The following SYNPR variants were observed in gnomAD, a reference collection of about 807,000 sequenced individuals.
The protein encoded by SYNPR is synaptoporin.
Under a neutral mutation model 32.9 loss-of-function variants are expected in SYNPR, and 23 were observed. That is an observed-to-expected ratio of 0.70 (90% confidence interval 0.50 to 0.99). SYNPR has a LOEUF of 0.99. Ranked by LOEUF, SYNPR falls within the 50% of genes least tolerant of loss-of-function variation. The probability of loss-of-function intolerance (pLI) is 0.00; values close to 1 mark genes in which losing one functional copy is unlikely to be tolerated. For synonymous variants in SYNPR, 146 were observed against 135.9 expected (o/e 1.07, Z -0.52); for missense variants, 318 against 349.3 (o/e 0.91, Z 0.71).
chr3:63,456,069 A>C (rs1700476216), intron 2 of SYNPR, among the ~76,000 whole-genome samples: 1 of 151,890 alleles, frequency 6.6e-6, no homozygotes, highest in South Asian at 2.1e-4. Context: ...AGAGAGAGAG[A>C]GCTCGTGCAG....
chr3:63,419,921 G>A (rs2088585974), intron 2 of SYNPR, among the ~76,000 whole-genome samples: 1 of 152,168 alleles, frequency 6.6e-6, no homozygotes, highest in Non-Finnish European at 1.5e-5. Context: ...GAAGATTCCA[G>A]TTTTTTCACA....
chr3:63,454,734 G>C (rs1318880258), intron 2 of SYNPR, among the ~76,000 whole-genome samples: 1 of 149,524 alleles, frequency 6.7e-6, no homozygotes, highest in East Asian at 2.6e-4. Flanking sequence ...TGAGGGCTCT[G>C]GGGTGGCAGA....
intron 2 of SYNPR, among the ~76,000 whole-genome samples, chr3:63,313,886 CATATATATATATCCATATATATATCCAT>C (rs2087005406): frequency 1.1e-4 from 1 of 8,832 alleles, no homozygotes; most frequent in East Asian, 1.6e-3. Flanking sequence ...TATATATATC[CATATATATATATCCATATATATATCCAT>C]ATATATATAT....
intron 2 of SYNPR, among the ~76,000 whole-genome samples, chr3:63,398,260 T>C (rs549231953): frequency 2.6e-5 from 4 of 152,270 alleles, no homozygotes; most frequent in Admixed American, 2.6e-4. Context: ...TTGGCAGCAC[T>C]GCCTTAAAAA....
At chr3:63,472,537 T>C (rs1034721788) in intron 2 of SYNPR, among the ~76,000 whole-genome samples, 18 of 152,304 alleles carry the variant, frequency 1.2e-4, no homozygotes, top group Middle Eastern at 3.4e-3. Flanking sequence ...AAAATGCCCC[T>C]TTTCAAGCAC....
At chr3:63,608,309 A>T (rs1325276492) in intron 4 of SYNPR, among the ~76,000 whole-genome samples, 1 of 152,186 alleles carries the variant, frequency 6.6e-6, no homozygotes, top group Non-Finnish European at 1.5e-5. Flanking sequence ...CGAACAGCAG[A>T]TGATTTTCAG....
chr3:63,527,936 C>T (rs2106784012), intron 3 of SYNPR, among the ~76,000 whole-genome samples: 1 of 152,246 alleles, frequency 6.6e-6, no homozygotes, highest in African/African-American at 2.4e-5. Flanking sequence ...TGAGTTACAG[C>T]ATGGAACAGA....
At chr3:63,447,998 A>ATATTTATTTATTTATT (rs369985539) in intron 2 of SYNPR, among the ~76,000 whole-genome samples, 53 of 151,740 alleles carry the variant, frequency 3.5e-4, no homozygotes, top group East Asian at 2.9e-3. Flanking sequence ...TGCCTACAGA[A>ATATTTATTTATTTATT]TATTTATTTA....
intron 2 of SYNPR, among the ~76,000 whole-genome samples, chr3:63,345,639 G>A (rs556762051): frequency 6.6e-6 from 1 of 152,222 alleles, no homozygotes; most frequent in Admixed American, 6.5e-5. Context: ...TCTCGCATTG[G>A]CTGACTCCAA....
intron 2 of SYNPR, among the ~76,000 whole-genome samples, chr3:63,315,553 G>A (rs944664385): frequency 5.9e-5 from 9 of 151,984 alleles, no homozygotes; most frequent in African/African-American, 2.2e-4. Context: ...CGCTGTTGAT[G>A]TATAAAAGAG....
intron 4 of SYNPR, among the ~76,000 whole-genome samples, chr3:63,557,524 T>C (rs569022377): frequency 1.3e-5 from 2 of 152,306 alleles, no homozygotes; most frequent in Admixed American, 6.5e-5. Flanking sequence ...CATTGAAATA[T>C]TGGTGCTGGT....
chr3:63,250,959 G>A (rs1373059609), intron 1 of SYNPR, among the ~76,000 whole-genome samples: 1 of 151,942 alleles, frequency 6.6e-6, no homozygotes, highest in Non-Finnish European at 1.5e-5. Context: ...AGACTTAAAA[G>A]TAAATAGAAG....
chr3:63,529,863 C>T (rs6801667), intron 3 of SYNPR, among the ~76,000 whole-genome samples: 53,407 of 151,822 alleles, frequency 0.35, 9,490 homozygotes, highest in Admixed American at 0.42. Flanking sequence ...CACACTCAGG[C>T]GAAAAGGATA....
At chr3:63,361,753 C>A (rs1286895535) in intron 2 of SYNPR, among the ~76,000 whole-genome samples, 1 of 151,858 alleles carries the variant, frequency 6.6e-6, no homozygotes, top group African/African-American at 2.4e-5. Flanking sequence ...TTATAGGGTG[C>A]TAATTAACTT....
At chr3:63,220,286 G>T in the SYNPR span, among the ~76,000 whole-genome samples, 1 of 152,208 alleles carries the variant, frequency 6.6e-6, no homozygotes, top group Non-Finnish European at 1.5e-5. Context: ...CTATTTTGCA[G>T]ATAGTGATAT....
intron 2 of SYNPR, among the ~76,000 whole-genome samples, chr3:63,290,044 G>A (rs545180310): frequency 6.6e-6 from 1 of 151,342 alleles, no homozygotes; most frequent in East Asian, 2.0e-4. Context: ...GCAGGAGAAT[G>A]GTGTGAACCC....
chr3:63,360,581 T>A (rs2087644035), intron 2 of SYNPR, among the ~76,000 whole-genome samples: 1 of 152,174 alleles, frequency 6.6e-6, no homozygotes, highest in Non-Finnish European at 1.5e-5. Context: ...ACTAGCTACA[T>A]CTCCAAACTC....
chr3:63,603,827 C>T (rs1700079161), intron 4 of SYNPR, among the ~76,000 whole-genome samples: 1 of 152,048 alleles, frequency 6.6e-6, no homozygotes. Context: ...TTAATTGTGT[C>T]TCTGCCTGGT....
chr3:63,305,655 G>A (rs1200017077), intron 2 of SYNPR, among the ~76,000 whole-genome samples: 1 of 151,832 alleles, frequency 6.6e-6, no homozygotes, highest in Non-Finnish European at 1.5e-5. Context: ...ATTAGGGGTG[G>A]GGCCTAGGCA....
Sources: gnomAD v4.1 joint callset for allele counts (sites outside exome capture counted in the v4.1 genomes callset) on GRCh38, gnomAD v4.1.1 for gene constraint, MANE v1.5 for transcripts, NCBI Gene and HGNC (gene_info 2026-07-23, HGNC 2026-07-21) for gene names.